AGBL4: variants seen among roughly 807,000 people sequenced by gnomAD.
AGBL4 encodes cytosolic carboxypeptidase 6.
AGBL4 carries 58 observed loss-of-function variants against 66.4 expected under a neutral mutation model. That is an observed-to-expected ratio of 0.87 (90% confidence interval 0.71 to 1.09). AGBL4 has a LOEUF of 1.09. Among genes scored for constraint, AGBL4 ranks in the 50% least tolerant of loss-of-function variants. The pLI is 0.00. For synonymous variants in AGBL4, 234 were observed against 222.9 expected, an observed-to-expected ratio of 1.05 and a Z score of -0.44; for missense variants, 579 against 631.0, an observed-to-expected ratio of 0.92 and a Z score of 0.88.
intron 6 of AGBL4, among the ~76,000 whole-genome samples, chr1:48,848,623 C>T (rs1355547062): frequency 6.6e-6 from 1 of 152,060 alleles, no homozygotes; most frequent in Non-Finnish European, 1.5e-5. Flanking sequence ...TGCAAAATAA[C>T]ATGCTGATGA....
chr1:49,851,594 C>A (rs1646307812), intron 1 of AGBL4, 76 bp from the exon 2 acceptor site: 20 of 1,437,336 alleles, frequency 1.4e-5, no homozygotes, highest in Non-Finnish European at 1.8e-5. Flanking sequence ...CTGTTAATTA[C>A]CCCTTCCCTA....
intron 3 of AGBL4, among the ~76,000 whole-genome samples, chr1:49,670,191 CAGA>C (rs1310523667): frequency 6.6e-6 from 1 of 152,060 alleles, no homozygotes; most frequent in Non-Finnish European, 1.5e-5. Flanking sequence ...TTGGTACAAA[CAGA>C]AGAAGTTTGA....
intron 1 of AGBL4, among the ~76,000 whole-genome samples, chr1:49,852,520 A>G (rs545140716): frequency 2.0e-4 from 30 of 152,226 alleles, no homozygotes; most frequent in African/African-American, 6.5e-4. Flanking sequence ...CCTCTGTGGT[A>G]CAGGCCTAGA....
chr1:48,976,833 G>GGC, intron 5 of AGBL4, among the ~76,000 whole-genome samples: 1 of 151,562 alleles, frequency 6.6e-6, no homozygotes, highest in East Asian at 2.0e-4. Context: ...GACCTTCTAA[G>GGC]GACCATCCCA....
At chr1:48,776,653 TCGCGGGGGGCG>T (rs905324420) in intron 6 of AGBL4, 4 of 1,488,160 alleles carry the variant, frequency 2.7e-6, no homozygotes, top group Non-Finnish European at 2.7e-6. Flanking sequence ...CGCGCCCCAG[TCGCGGGGGGCG>T]CGCGGGGGGC....
At chr1:48,909,652 C>T (rs1285645199) in intron 5 of AGBL4, among the ~76,000 whole-genome samples, 3 of 152,160 alleles carry the variant, frequency 2.0e-5, no homozygotes, top group African/African-American at 7.2e-5. Context: ...ATATCAGTAT[C>T]AACTTGCTCG....
intron 1 of AGBL4, among the ~76,000 whole-genome samples, chr1:49,914,585 C>T (rs1288415983): frequency 6.6e-6 from 1 of 152,172 alleles, no homozygotes; most frequent in Non-Finnish European, 1.5e-5. Context: ...TATGGCAATA[C>T]AGGATTCTTC....
At chr1:48,957,609 C>T (rs1657590345) in intron 5 of AGBL4, among the ~76,000 whole-genome samples, 1 of 152,222 alleles carries the variant, frequency 6.6e-6, no homozygotes, top group South Asian at 2.1e-4. Flanking sequence ...TTCACTAACA[C>T]TTCTTTCTGT....
chr1:49,716,784 A>G (rs1183505680), intron 2 of AGBL4, among the ~76,000 whole-genome samples: 1 of 152,108 alleles, frequency 6.6e-6, no homozygotes, highest in African/African-American at 2.4e-5. Context: ...ATCTCAAAAT[A>G]ATAAGAGCTA....
chr1:49,910,663 A>C (rs1363804100), intron 1 of AGBL4, among the ~76,000 whole-genome samples: 1 of 151,944 alleles, frequency 6.6e-6, no homozygotes. Context: ...AGAATAAAAA[A>C]AAAAAGAAAA....
rs148102318 is a variant in AGBL4 at position 49,767,821 on chromosome 1, C to T, written c.158-70384G>A. ...CCCTCAGATACTATTATAAACATCT[C>T]TATGCAAACAAACAAGACAATCATC... is the stretch of plus-strand genomic sequence containing the variant. On this transcript the variant is annotated intron_variant, in intron 2 of 13. Coordinates refer to ENST00000371839, the MANE Select transcript of AGBL4 (RefSeq NM_032785.4). Among the ~76,000 whole-genome samples the T allele has an allele frequency of 2.2e-3, 340 of 152,084 alleles. 4 individuals are homozygous for T. The highest frequency in any genetic ancestry group is 7.9e-3 in the African/African-American group (327 of 41,510).
At chr1:49,390,846 T>G (rs935557253) in intron 3 of AGBL4, among the ~76,000 whole-genome samples, 1 of 152,176 alleles carries the variant, frequency 6.6e-6, no homozygotes. Context: ...ATATGCTAGA[T>G]CTTTTACTTG....
intron 3 of AGBL4, among the ~76,000 whole-genome samples, chr1:49,632,753 A>T (rs1645594920): frequency 6.6e-6 from 1 of 152,136 alleles, no homozygotes; most frequent in African/African-American, 2.4e-5. Flanking sequence ...ACTCACCATT[A>T]CATCCTCTAT....
At chr1:49,806,024 A>T (rs1357983762) in intron 2 of AGBL4, among the ~76,000 whole-genome samples, 1 of 152,220 alleles carries the variant, frequency 6.6e-6, no homozygotes, top group Non-Finnish European at 1.5e-5. Context: ...AAATACCTAA[A>T]ATGTAGGAGT....
rs377406627 is a variant in AGBL4, at chr1:49,325,529, T to G, written c.283-79665A>C. ...TTAAAACAGTCAATATCCCTTTTCT[T>G]CATATATTTACCATTTCCATTGCTT... On this transcript the variant is annotated intron_variant, in intron 3 of 13. Transcript: ENST00000371839. Among the ~76,000 whole-genome samples, 36 of 152,362 alleles carry G rather than the reference T, an allele frequency of 2.4e-4. No homozygotes were observed. The East Asian group carries it at 5.0e-3, about 21-fold the overall frequency.
chr1:49,565,579 A>T (rs774237970), intron 3 of AGBL4, among the ~76,000 whole-genome samples: 3 of 152,156 alleles, frequency 2.0e-5, no homozygotes, highest in Admixed American at 6.5e-5. Context: ...GTTTGGCTGG[A>T]TATGAAATTC....
At chr1:49,126,366 G>C (rs566364953) in intron 4 of AGBL4, among the ~76,000 whole-genome samples, 1 of 152,230 alleles carries the variant, frequency 6.6e-6, no homozygotes, top group Admixed American at 6.5e-5. Flanking sequence ...GCACTGTGAA[G>C]CTCATAATCT....
chr1:48,799,424 A>G (rs1240708580), intron 6 of AGBL4, among the ~76,000 whole-genome samples: 1 of 152,150 alleles, frequency 6.6e-6, no homozygotes, highest in African/African-American at 2.4e-5. Flanking sequence ...TAGGTGTACA[A>G]TCACATCATT....
chr1:49,652,623 C>A (rs558624653), intron 3 of AGBL4, among the ~76,000 whole-genome samples: 1 of 152,212 alleles, frequency 6.6e-6, no homozygotes, highest in Admixed American at 6.5e-5. Context: ...CACTAGGGCT[C>A]CAGTTGGTTG....
Sources: allele counts gnomAD v4.1 joint callset (sites outside exome capture counted in the v4.1 genomes callset), GRCh38; gene constraint gnomAD v4.1.1; transcripts MANE v1.5; gene names NCBI Gene and HGNC (gene_info 2026-07-23, HGNC 2026-07-21).